Variants in MAGT1 observed in about 807,000 individuals in gnomAD.
MAGT1 encodes the protein dolichyl-diphosphooligosaccharide--protein glycosyltransferase subunit MAGT1.
MAGT1 carries 4 observed loss-of-function variants against 28.4 expected under a neutral mutation model. The ratio of observed to expected loss-of-function variants is 0.14; its 90% CI spans 0.07 to 0.32. MAGT1 has a LOEUF of 0.32. Ranked by LOEUF, MAGT1 falls within the 10% of genes least tolerant of loss-of-function variation. MAGT1 has a pLI of 1.00. For missense variants in MAGT1, 193 were observed against 264.5 expected (o/e 0.73, Z 1.88); for synonymous variants, 89 against 89.7 (o/e 0.99, Z 0.04).
upstream of MAGT1, chrX:77,895,453 A>C (rs1557219852): frequency 2.5e-6 from 3 of 1,199,780 alleles, no homozygotes; most frequent in South Asian, 1.8e-5. Flanking sequence ...TGCTCCGGCT[A>C]GGTCTGAGGG....
chrX:77,857,143 G>A (rs1048348583), intron 4 of MAGT1, among the ~76,000 whole-genome samples: 2 of 111,525 alleles, frequency 1.8e-5, no homozygotes, highest in African/African-American at 6.5e-5. Flanking sequence ...ACTTAAGGTC[G>A]AAAGAGTGGT....
Position 77,895,407 on chromosome X carries a change from C to T in MAGT1, c.4G>A (p.Ala2Thr), listed in dbSNP as rs2077095857. 3 of 1,210,168 alleles carry T rather than the reference C, an allele frequency of 2.5e-6. No individual in the cohort carries two copies. The highest frequency in any genetic ancestry group is 2.2e-6 in the Non-Finnish European group (2 of 895,084). ...ACACACCAAAACCGCCAACGCGCTG[C>T]CATGTTCGCTCCTCTCCCTTCTATA... The part of the protein sequence containing the change: M[A>T]ARWRFWCVSV... The change falls in exon 1 of 10, where the codon GCA (alanine) becomes ACA (threonine). Residue 2 changes from alanine to threonine, a missense_variant. Physicochemically the swap from Ala to Thr is moderately conservative, Grantham distance 58. Transcript: ENST00000618282.
intron 5 of MAGT1, 84 bp from the exon 6 acceptor site, chrX:77,855,674 TGTTTA>T (rs1462546023): frequency 9.9e-6 from 7 of 705,962 alleles, no homozygotes; most frequent in Non-Finnish European, 1.3e-5. Context: ...AATGTGCATC[TGTTTA>T]GTTAAGACAT....
At chrX:77,886,518 C>T (rs2077068532) in intron 1 of MAGT1, among the ~76,000 whole-genome samples, 1 of 110,049 alleles carries the variant, frequency 9.1e-6, no homozygotes, top group African/African-American at 3.3e-5. Context: ...TGGTATGGGC[C>T]TGTAGTTGCG....
intron 1 of MAGT1, among the ~76,000 whole-genome samples, chrX:77,878,119 TAA>T (rs572722962): frequency 3.2e-5 from 3 of 95,094 alleles, no homozygotes; most frequent in African/African-American, 3.8e-5. Context: ...ACATCTCTAC[TAA>T]AAAAAAAAAA....
chrX:77,847,588 T>C (rs2149015116), intron 7 of MAGT1, among the ~76,000 whole-genome samples: 1 of 110,731 alleles, frequency 9.0e-6, no homozygotes, highest in South Asian at 3.8e-4. Flanking sequence ...AAAGGTCTTT[T>C]GTTAATGTGA....
intron 7 of MAGT1, among the ~76,000 whole-genome samples, chrX:77,851,003 C>T (rs1256662430): frequency 7.6e-5 from 8 of 105,238 alleles, no homozygotes; most frequent in African/African-American, 2.8e-4. Flanking sequence ...GACAGAGTCT[C>T]GCTCTGTTGC....
At chrX:77,829,326 T>C in intron 9 of MAGT1, 91 bp from the exon 10 acceptor site, 1 of 763,557 alleles carries the variant, frequency 1.3e-6, no homozygotes, top group Non-Finnish European at 2.0e-6. Context: ...TTTTAACAGA[T>C]AAAAGAGCAT....
At chrX:77,870,464 A>C (rs1488540124) in intron 3 of MAGT1, among the ~76,000 whole-genome samples, 1 of 111,600 alleles carries the variant, frequency 9.0e-6, no homozygotes, top group African/African-American at 3.3e-5. Flanking sequence ...ATAGATAGCT[A>C]TACTAAAGAC....
chrX:77,831,720 G>A, intron 8 of MAGT1, among the ~76,000 whole-genome samples: 1 of 109,250 alleles, frequency 9.2e-6, no homozygotes, highest in East Asian at 2.9e-4. Context: ...AGCCTCTTGA[G>A]TAGCTGGGAC....
intron 1 of MAGT1, 54 bp from the exon 2 acceptor site, chrX:77,875,651 T>C: frequency 8.9e-7 from 1 of 1,127,823 alleles, no homozygotes; most frequent in Non-Finnish European, 1.2e-6. Context: ...GCATTTAAAG[T>C]TCTTTTAATG....
intron 1 of MAGT1, among the ~76,000 whole-genome samples, chrX:77,880,028 G>A (rs1483524580): frequency 1.9e-5 from 2 of 103,332 alleles, no homozygotes; most frequent in Non-Finnish European, 3.9e-5. Context: ...TAGTAGGGAC[G>A]GGGTTTGACC....
At chrX:77,870,747 A>C in intron 3 of MAGT1, 61 bp downstream of exon 3, 1 of 810,367 alleles carries the variant, frequency 1.2e-6, no homozygotes, top group Non-Finnish European at 1.9e-6. Flanking sequence ...TGAAAAAAAT[A>C]TATTCCACTT....
chrX:77,834,942 G>A (rs944943014), intron 8 of MAGT1, among the ~76,000 whole-genome samples: 11 of 107,412 alleles, frequency 1.0e-4, no homozygotes, highest in Middle Eastern at 4.7e-3. Flanking sequence ...TGATCTGATC[G>A]AAAAAACATA....
intron 8 of MAGT1, among the ~76,000 whole-genome samples, chrX:77,835,516 A>G (rs183200370): frequency 1.2e-3 from 133 of 111,678 alleles, no homozygotes; most frequent in African/African-American, 2.9e-3. Flanking sequence ...AACCACTAAG[A>G]AGAACAGTTT....
chrX:77,866,029 C>T (rs781944059), intron 3 of MAGT1, among the ~76,000 whole-genome samples: 1 of 65,361 alleles, frequency 1.5e-5, no homozygotes, highest in African/African-American at 3.5e-5. Flanking sequence ...TGTGGTGGCG[C>T]GTGCCTGTAA....
intron 3 of MAGT1, among the ~76,000 whole-genome samples, chrX:77,861,173 C>G (rs782508920): frequency 2.8e-4 from 30 of 106,681 alleles, no homozygotes; most frequent in Admixed American, 2.2e-3. Flanking sequence ...GAGTGAAACT[C>G]TATCTCAAAA....
intron 7 of MAGT1, among the ~76,000 whole-genome samples, chrX:77,848,622 T>C (rs1442686215): frequency 1.8e-5 from 2 of 111,947 alleles, no homozygotes; most frequent in African/African-American, 6.5e-5. Context: ...ACAACATGTC[T>C]ACAAGTATAA....
chrX:77,841,915 C>T (rs2076936080), intron 7 of MAGT1, among the ~76,000 whole-genome samples: 1 of 97,814 alleles, frequency 1.0e-5, no homozygotes, highest in African/African-American at 3.8e-5. Context: ...GTCTTGAACT[C>T]TTGACCTCAA....
Sources: gnomAD v4.1 joint callset for allele counts (sites outside exome capture counted in the v4.1 genomes callset) on GRCh38, gnomAD v4.1.1 for gene constraint, MANE v1.5 for transcripts, NCBI Gene and HGNC (gene_info 2026-07-23, HGNC 2026-07-21) for gene names.